Variants in HFM1 observed in about 807,000 individuals in gnomAD.
The protein encoded by HFM1 is helicase for meiosis 1, also known as probable ATP-dependent DNA helicase HFM1.
A neutral mutation model predicts 192.1 loss-of-function variants in HFM1; 169 were observed. That is an observed-to-expected ratio of 0.88 (90% CI 0.78 to 1.00). HFM1 has a LOEUF of 1.00. HFM1 is among the 50% of genes least tolerant of loss of function. HFM1 has a pLI of 0.00. For missense variants in HFM1, 1,661 were observed against 1,668.0 expected (o/e 1.00, Z 0.07); for synonymous variants, 525 against 537.8 (o/e 0.98, Z 0.33).
intron 4 of HFM1, among the ~76,000 whole-genome samples, chr1:91,392,333 A>G (rs1390961451): frequency 3.3e-5 from 5 of 152,224 alleles, no homozygotes; most frequent in Non-Finnish European, 5.9e-5. Flanking sequence ...AATAGCAAAG[A>G]CTTGGAACCA....
At position 91,296,838 on chromosome 1, in the gene HFM1, G is replaced by A. The variant is rs141045817; in HGVS notation, c.3391+16511C>T. Among the ~76,000 whole-genome samples, 239 of 152,258 alleles carry A rather than the reference G, an allele frequency of 1.6e-3. 3 individuals carry two copies. The East Asian group carries it at 0.023, about 15-fold the overall frequency. On this transcript the variant is annotated intron_variant, in intron 30 of 38. Coordinates refer to ENST00000370425, the MANE Select transcript of HFM1 (RefSeq NM_001017975.6). ...GAGCCAAGATGGCCAAATAGGAACAGCCCCAGTCTACAGCTCCCAGCGTGA... is the reference window on the plus strand; with the variant it reads ...GAGCCAAGATGGCCAAATAGGAACAACCCCAGTCTACAGCTCCCAGCGTGA...
intron 23 of HFM1, among the ~76,000 whole-genome samples, chr1:91,321,265 G>A (rs1001444763): frequency 6.6e-6 from 1 of 152,130 alleles, no homozygotes; most frequent in Non-Finnish European, 1.5e-5. Context: ...CCAACATGGT[G>A]AAACCCCATC....
chr1:91,320,886 G>A (rs1651991630), intron 23 of HFM1, among the ~76,000 whole-genome samples: 1 of 152,156 alleles, frequency 6.6e-6, no homozygotes, highest in Non-Finnish European at 1.5e-5. Flanking sequence ...CTAACCCAGG[G>A]TTAGTAAAAG....
chr1:91,328,634 T>C (rs1227772977), intron 20 of HFM1: 10 of 1,594,364 alleles, frequency 6.3e-6, no homozygotes, highest in Non-Finnish European at 8.6e-6. Context: ...ATGTATGTCT[T>C]TGAGGGCACG....
rs539878069 is a variant in HFM1 at position 91,287,369 on chromosome 1, C to A, written c.3392-10307G>T. ...TCCCTGACCCCTGACCCCCAAGCAG[C>A]CTAACTGGGAGGCACCCCCTAGCAG... On this transcript the variant is annotated intron_variant, in intron 30 of 38. Coordinates refer to ENST00000370425, the MANE Select transcript of HFM1 (RefSeq NM_001017975.6). Among the ~76,000 whole-genome samples, 148 of 152,284 alleles carry A rather than the reference C, an allele frequency of 9.7e-4. No individual in the cohort carries two copies. The Middle Eastern group carries it at 0.014, about 14-fold the overall frequency.
chr1:91,368,861 G>A (rs1197840403), intron 13 of HFM1, among the ~76,000 whole-genome samples: 2 of 152,054 alleles, frequency 1.3e-5, no homozygotes, highest in African/African-American at 4.8e-5. Flanking sequence ...CCCATCTCAC[G>A]TGCAGAGACA....
In HFM1 at chr1:91,401,018, A is replaced by G; in HGVS notation, c.65T>C (p.Val22Ala). The change falls in exon 2 of 39, where the codon GTT becomes GCT. Residue 22 changes from valine (V) to alanine (A), a missense_variant. Transcript: ENST00000370425. ...ATCTTTAAGGGAGACTTACTTTTCA[A>G]CTTCATCTGGTTTTTCAAAAAACAA... ...ENLFFEKPDEVENHPDNEKSL... is the reference protein window; with the variant it reads ...ENLFFEKPDEAENHPDNEKSL... The G allele has an allele frequency of 2.7e-6, 4 of 1,507,472 alleles. No individual in the cohort carries two copies. Among genetic ancestry groups the G allele is most frequent in the Non-Finnish European group, 2.7e-6 (3 of 1,111,338 alleles). The allele number at this position is 1,507,472 out of a possible 1,614,324, so 93.4% of individuals were successfully genotyped here.
chr1:91,264,361 ATTTTTTTTTTTTTTTTT>A (rs71087940), intron 36 of HFM1, among the ~76,000 whole-genome samples: 11 of 57,096 alleles, frequency 1.9e-4, no homozygotes, highest in African/African-American at 7.1e-4. Flanking sequence ...CAAATTTAGT[ATTTTTTTTTTTTTTTTT>A]TTTTTTTTTT....
intron 11 of HFM1, among the ~76,000 whole-genome samples, chr1:91,377,021 T>C (rs1205430270): frequency 6.6e-6 from 1 of 151,530 alleles, no homozygotes; most frequent in Admixed American, 6.6e-5. Flanking sequence ...GTTTGATAAA[T>C]AAATTACAAT....
At chr1:91,346,016 A>G (rs1656082905) in intron 19 of HFM1, among the ~76,000 whole-genome samples, 1 of 152,196 alleles carries the variant, frequency 6.6e-6, no homozygotes, top group South Asian at 2.1e-4. Flanking sequence ...CCCATATCAT[A>G]CACAACTTTG....
chr1:91,376,252 T>C (rs182239352), intron 11 of HFM1, among the ~76,000 whole-genome samples: 14 of 152,124 alleles, frequency 9.2e-5, no homozygotes, highest in Non-Finnish European at 1.8e-4. Flanking sequence ...ATTCTGGAAC[T>C]GTGGTAAGCA....
Position 91,331,635 on chromosome 1 carries a change from C to T in HFM1, c.2336-6869G>A, listed in dbSNP as rs181719777. 2.8e-3 allele frequency among the ~76,000 whole-genome samples: 432 copies of T among 152,314 alleles called. 1 individual carries two copies. The highest frequency in any genetic ancestry group is 4.1e-3 in the Non-Finnish European group (280 of 68,026). ...CACTGGTTGGGTGCAGTGGCTCATG[C>T]CTGTAATCCCAGCATTTTGGAAGGC... On this transcript the variant is annotated intron_variant, in intron 20 of 38. Transcript: ENST00000370425.
intron 13 of HFM1, among the ~76,000 whole-genome samples, chr1:91,369,184 G>A (rs182908659): frequency 2.6e-3 from 391 of 152,258 alleles, no homozygotes; most frequent in Non-Finnish European, 4.2e-3. Context: ...ACATTAGACA[G>A]ATCAACGAGA....
At chr1:91,264,522 G>T (rs566005209) in intron 36 of HFM1, among the ~76,000 whole-genome samples, 1 of 148,448 alleles carries the variant, frequency 6.7e-6, no homozygotes, top group Non-Finnish European at 1.5e-5. Flanking sequence ...ACAGGCGCCC[G>T]CCATCACGCC....
At chr1:91,391,675 C>G (rs1663009687) in intron 4 of HFM1, among the ~76,000 whole-genome samples, 1 of 152,180 alleles carries the variant, frequency 6.6e-6, no homozygotes, top group African/African-American at 2.4e-5. Flanking sequence ...CAATACCACT[C>G]AGGACATAGG....
chr1:91,320,362 T>C (rs892676380), intron 23 of HFM1, among the ~76,000 whole-genome samples: 16 of 152,246 alleles, frequency 1.1e-4, no homozygotes, highest in African/African-American at 3.9e-4. Flanking sequence ...CTATGGTATA[T>C]GCTTCTGAAA....
intron 30 of HFM1, among the ~76,000 whole-genome samples, chr1:91,299,237 T>C (rs1461374986): frequency 6.6e-6 from 1 of 152,150 alleles, no homozygotes; most frequent in Non-Finnish European, 1.5e-5. Flanking sequence ...GAGCTAACTA[T>C]CCTAAATATA....
intron 28 of HFM1, 80 bp downstream of exon 28, chr1:91,315,732 CTTG>C (rs2101170100): frequency 2.1e-6 from 2 of 969,138 alleles, no homozygotes; most frequent in Non-Finnish European, 3.0e-6. Flanking sequence ...CCACAATGAT[CTTG>C]TTATTTTTTT....
At chr1:91,376,908 A>G (rs1008073153) in intron 11 of HFM1, among the ~76,000 whole-genome samples, 13 of 151,856 alleles carry the variant, frequency 8.6e-5, no homozygotes, top group Admixed American at 2.0e-4. Context: ...AATTCATTCT[A>G]GAAGTTCATC....
Sources: gnomAD v4.1 joint callset for allele counts (sites outside exome capture counted in the v4.1 genomes callset) on GRCh38, gnomAD v4.1.1 for gene constraint, MANE v1.5 for transcripts, NCBI Gene and HGNC (gene_info 2026-07-23, HGNC 2026-07-21) for gene names.